The following PTPN13 variants were observed in gnomAD, a reference collection of about 807,000 sequenced individuals.
The protein encoded by PTPN13 is protein tyrosine phosphatase non-receptor type 13, also known as tyrosine-protein phosphatase non-receptor type 13.
A neutral mutation model predicts 284.0 loss-of-function variants in PTPN13; 191 were observed. That is an observed-to-expected ratio of 0.67 (90% CI 0.60 to 0.76). The LOEUF is 0.76. Among genes scored for constraint, PTPN13 ranks in the 30% least tolerant of loss-of-function variants. The pLI, the probability that PTPN13 is intolerant of heterozygous loss-of-function variation, is 0.00. For synonymous variants in PTPN13, 986 were observed against 1,022.3 expected (o/e 0.96, Z 0.68); for missense variants, 2,797 against 2,939.9 (o/e 0.95, Z 1.12).
Position 86,693,648 on chromosome 4 carries a change from G to A in PTPN13, c.608G>A (p.Arg203Gln), listed in dbSNP as rs567152948. 7.5e-5 allele frequency: 116 copies of A among 1,554,166 alleles called. No individual in the cohort carries two copies. Among genetic ancestry groups the A allele is most frequent in the Middle Eastern group, 1.7e-4 (1 of 5,976 alleles). Reference protein sequence around the residue: ...KPDRSQAIRDRLRGKGLPTGR... With the variant: ...KPDRSQAIRDQLRGKGLPTGR... ...GATCGAAGCCAGGCTATTCGAGATCGATTGCGAGGAAAAGGATTACCAACA... is the reference window on the plus strand; with the variant it reads ...GATCGAAGCCAGGCTATTCGAGATCAATTGCGAGGAAAAGGATTACCAACA... Residue 203 changes from arginine to glutamine, a missense_variant, in exon 6 of 48, where the codon CGA becomes CAA. Transcript: ENST00000411767.
At chr4:86,763,255 A>G in intron 24 of PTPN13, 65 bp downstream of exon 24, 1 of 1,296,688 alleles carries the variant, frequency 7.7e-7, no homozygotes, top group Non-Finnish European at 1.1e-6. Context: ...CAAATAAGTT[A>G]CAGAGCACAA....
At chr4:86,686,124 G>GC (rs1729425730) in intron 3 of PTPN13, among the ~76,000 whole-genome samples, 1 of 152,104 alleles carries the variant, frequency 6.6e-6, no homozygotes, top group Non-Finnish European at 1.5e-5. Flanking sequence ...CACTTTGGGA[G>GC]GCTAAGGCGG....
intron 20 of PTPN13, among the ~76,000 whole-genome samples, chr4:86,753,720 A>G (rs564760343): frequency 1.5e-4 from 23 of 152,230 alleles, no homozygotes; most frequent in Admixed American, 3.9e-4. Flanking sequence ...TAGATTGCAA[A>G]GTATTTTCAT....
chr4:86,638,026 C>G (rs1723250393), intron 2 of PTPN13, among the ~76,000 whole-genome samples: 1 of 152,022 alleles, frequency 6.6e-6, no homozygotes, highest in South Asian at 2.1e-4. Context: ...CATTCTTATA[C>G]ACCAATAACA....
chr4:86,801,448 G>A (rs1268603176), intron 42 of PTPN13, among the ~76,000 whole-genome samples: 1 of 152,070 alleles, frequency 6.6e-6, no homozygotes, highest in Non-Finnish European at 1.5e-5. Flanking sequence ...GGGGGTGAGG[G>A]GGCAGGTAAA....
chr4:86,705,190 C>G (rs1467444062), intron 7 of PTPN13, among the ~76,000 whole-genome samples: 1 of 151,848 alleles, frequency 6.6e-6, no homozygotes, highest in Non-Finnish European at 1.5e-5. Context: ...AAAAATTAGC[C>G]TGGTGTGGTG....
intron 41 of PTPN13, among the ~76,000 whole-genome samples, chr4:86,797,667 A>T (rs1458067284): frequency 6.6e-6 from 1 of 152,092 alleles, no homozygotes; most frequent in African/African-American, 2.4e-5. Flanking sequence ...CATGATAGTG[A>T]CTGTCTTCAC....
At chr4:86,687,862 G>A (rs561165443) in intron 4 of PTPN13, among the ~76,000 whole-genome samples, 2 of 151,924 alleles carry the variant, frequency 1.3e-5, no homozygotes, top group Non-Finnish European at 2.9e-5. Flanking sequence ...ATAAATTAGA[G>A]GGGAAATATA....
intron 21 of PTPN13, 53 bp from the exon 22 acceptor site, chr4:86,758,625 T>G (rs1319570447): frequency 1.3e-5 from 19 of 1,437,996 alleles, no homozygotes; most frequent in Non-Finnish European, 1.9e-5. Flanking sequence ...GGCTAATCAT[T>G]AGTCTTTGAA....
At chr4:86,764,861 A>G (rs1487926338) in intron 25 of PTPN13, 137 bp downstream of exon 25, 2 of 985,872 alleles carry the variant, frequency 2.0e-6, no homozygotes, top group Non-Finnish European at 2.8e-6. Context: ...ACTGAATCAT[A>G]TCTAAAAACT....
intron 15 of PTPN13, among the ~76,000 whole-genome samples, chr4:86,737,641 A>G (rs1317210997): frequency 1.3e-5 from 2 of 150,938 alleles, no homozygotes; most frequent in Non-Finnish European, 3.0e-5. Context: ...CTGATCTGCT[A>G]TTACCATAGT....
At chr4:86,749,036 C>T (rs1482163902) in intron 17 of PTPN13, among the ~76,000 whole-genome samples, 2 of 152,150 alleles carry the variant, frequency 1.3e-5, no homozygotes, top group African/African-American at 4.8e-5. Flanking sequence ...TGCCCACTTC[C>T]ACTTCAGAGA....
Position 86,814,639 on chromosome 4 carries a change from C to A in PTPN13, c.*88C>A. 2 of 1,041,844 alleles carry A rather than the reference C, an allele frequency of 1.9e-6. No individual in the cohort carries two copies. Among genetic ancestry groups the A allele is most frequent in the Non-Finnish European group, 2.9e-6 (2 of 693,258 alleles). The allele number at this position is 1,041,844 out of a possible 1,614,324, so 64.5% of individuals were successfully genotyped here. A position where few individuals can be genotyped will look rare whatever the true frequency, so the allele number is the denominator to read the frequency against. Reference sequence around the variant, plus strand: ...TCTATCCAAAATAAAGATCACAGAGCAGCAAGTTCATACAACATGCATGTT... The same window carrying A: ...TCTATCCAAAATAAAGATCACAGAGAAGCAAGTTCATACAACATGCATGTT... On this transcript the variant is annotated 3_prime_UTR_variant, in exon 48 of 48. Coordinates refer to ENST00000411767, the MANE Select transcript of PTPN13 (RefSeq NM_080683.3).
rs537581790 is a variant in PTPN13 at position 86,698,656 on chromosome 4, A to G, written c.635-2585A>G. ...TGTAAAGAGAGGAAAGATTGAGTAA[A>G]GGATGGTCATCATAACCAGCTTTTA... On this transcript the variant is annotated intron_variant, in intron 6 of 47. Transcript: ENST00000411767. 3.9e-5 allele frequency among the ~76,000 whole-genome samples: 6 copies of G among 152,326 alleles called. 1 individual carries two copies. The East Asian group carries it at 1.2e-3, about 29-fold the overall frequency.
chr4:86,682,370 CA>C (rs2148932059), intron 3 of PTPN13, among the ~76,000 whole-genome samples: 1 of 151,922 alleles, frequency 6.6e-6, no homozygotes, highest in South Asian at 2.1e-4. Flanking sequence ...CATAAAACCA[CA>C]AATTCCCTGG....
At chr4:86,709,081 A>G (rs377617170) in intron 7 of PTPN13, among the ~76,000 whole-genome samples, 1 of 152,080 alleles carries the variant, frequency 6.6e-6, no homozygotes, top group African/African-American at 2.4e-5. Flanking sequence ...ACACACACAC[A>G]CACACAAACA....
chr4:86,770,568 G>A (rs770354927), intron 30 of PTPN13, among the ~76,000 whole-genome samples: 14 of 152,072 alleles, frequency 9.2e-5, no homozygotes, highest in Non-Finnish European at 1.9e-4. Flanking sequence ...ATTATAAATA[G>A]CATTTTAAAG....
At chr4:86,801,132 T>A (rs1476992893) in intron 42 of PTPN13, among the ~76,000 whole-genome samples, 1 of 152,228 alleles carries the variant, frequency 6.6e-6, no homozygotes, top group African/African-American at 2.4e-5. Flanking sequence ...TATAAATAAT[T>A]TCCATACAGC....
At chr4:86,719,299 A>T (rs186460940) in intron 9 of PTPN13, among the ~76,000 whole-genome samples, 1 of 152,334 alleles carries the variant, frequency 6.6e-6, no homozygotes, top group East Asian at 1.9e-4. Flanking sequence ...TTCCCACAAA[A>T]GACATGATCT....
Sources: gnomAD v4.1 joint callset for allele counts (sites outside exome capture counted in the v4.1 genomes callset) on GRCh38, gnomAD v4.1.1 for gene constraint, MANE v1.5 for transcripts, NCBI Gene and HGNC (gene_info 2026-07-23, HGNC 2026-07-21) for gene names.